FOXK1: variants seen among roughly 807,000 people sequenced by gnomAD.
FOXK1 encodes forkhead box K1.
A neutral mutation model predicts 51.9 loss-of-function variants in FOXK1; 19 were observed. The ratio of observed to expected loss-of-function variants is 0.37; its 90% CI spans 0.26 to 0.54. FOXK1 has a LOEUF of 0.54. Among genes scored for constraint, FOXK1 ranks in the 20% least tolerant of loss-of-function variants. The pLI, the probability that FOXK1 is intolerant of heterozygous loss-of-function variation, is 0.87. For missense variants in FOXK1, 870 were observed against 1,032.7 expected (o/e 0.84, Z 2.16); for synonymous variants, 537 against 482.6 (o/e 1.11, Z -1.48).
Position 4,768,156 on chromosome 7 carries a change from G to C in FOXK1, c.*5692G>C, listed in dbSNP as rs1238945444. Reference sequence around the variant, plus strand: ...TTTTTTTTTTTTTTTTTTTTGAGACGGAGTCTCGCTCTGTCGCCCAGGCTG... The same window carrying C: ...TTTTTTTTTTTTTTTTTTTTGAGACCGAGTCTCGCTCTGTCGCCCAGGCTG... On this transcript the variant is annotated 3_prime_UTR_variant, in exon 9 of 9. Transcript: ENST00000328914. The C allele has an allele frequency of 9.5e-6, 1 of 105,788 alleles. No homozygotes were observed. Among genetic ancestry groups the C allele is most frequent in the Non-Finnish European group, 1.7e-5 (1 of 57,700 alleles). The allele number at this position is 105,788 out of a possible 1,614,324, so 6.6% of individuals were successfully genotyped here.
chr7:4,683,429 C>T lies in FOXK1; in HGVS notation c.560+561C>T, dbSNP rs1779779109. On this transcript the variant is annotated intron_variant, in intron 1 of 8. Transcript: ENST00000328914. The surrounding 1 kb of genome is among the most constrained non-coding windows in gnomAD (Gnocchi z 4.5). ...ACCGCGACCCCCACTTCCTAGGCCC[C>T]CCCGGAGTCACCCCTGACCGCTAAC... 6.6e-6 allele frequency among the ~76,000 whole-genome samples: 1 copy of T among 151,570 alleles called. No homozygotes were observed. The highest frequency in any genetic ancestry group is 6.6e-5 in the Admixed American group (1 of 15,240).
chr7:4,738,028 A>C (rs1006455676), intron 1 of FOXK1, among the ~76,000 whole-genome samples: 7 of 151,884 alleles, frequency 4.6e-5, no homozygotes, highest in African/African-American at 1.7e-4. Flanking sequence ...AGGCTGAGGC[A>C]GGAGAATCAC....
rs149520318 is a variant in FOXK1 at position 4,712,589 on chromosome 7, G to A, written c.561-28249G>A. ...GGAGAGTTGTTAGAATCAAACCACC[G>A]CTCTCTGAATTCTGGGTGTATTATT... On this transcript the variant is annotated intron_variant, in intron 1 of 8. Coordinates refer to ENST00000328914, the MANE Select transcript of FOXK1 (RefSeq NM_001037165.2). 5.1e-3 allele frequency among the ~76,000 whole-genome samples: 772 copies of A among 152,216 alleles called. 2 individuals carry two copies. The highest frequency in any genetic ancestry group is 0.017 in the South Asian group (81 of 4,814).
chr7:4,751,012 CTT>C (rs35715224), intron 2 of FOXK1, among the ~76,000 whole-genome samples: 119 of 102,960 alleles, frequency 1.2e-3, no homozygotes, highest in African/African-American at 4.5e-3. Flanking sequence ...GCCTTCAGCA[CTT>C]TTTTTTTTTT....
chr7:4,751,563 G>A (rs974281853), intron 2 of FOXK1, among the ~76,000 whole-genome samples: 10 of 152,166 alleles, frequency 6.6e-5, no homozygotes, highest in Middle Eastern at 3.2e-3. Flanking sequence ...TCCCGCCTCC[G>A]TCAGCTGCAG....
chr7:4,759,497 A>C lies in FOXK1; in HGVS notation c.1598A>C (p.Asn533Thr). 2 of 1,578,522 alleles carry C rather than the reference A, an allele frequency of 1.3e-6. No individual in the cohort carries two copies. Among genetic ancestry groups the C allele is most frequent in the Non-Finnish European group, 1.7e-6 (2 of 1,168,400 alleles). The stretch of plus-strand genomic sequence containing the variant: ...GTCAGGGTGGTCACCACATCTGCCA[A>C]CTCGGCCAACGGATACATCCTCACC... ...TMVRVVTTSANSANGYILTSQ... is the reference protein window; with the variant it reads ...TMVRVVTTSATSANGYILTSQ... The change falls in exon 7 of 9, where the codon AAC becomes ACC. Residue 533 changes from asparagine to threonine, a missense_variant. Physicochemically the swap from Asn to Thr is moderately conservative, Grantham distance 65. Around this residue, in one of 3 missense-constraint regions of FOXK1, gnomAD observed 457 missense variants for 510.8 expected, o/e 0.89. Coordinates refer to ENST00000328914, the MANE Select transcript of FOXK1 (RefSeq NM_001037165.2).
At chr7:4,740,273 AT>A (rs1780615427) in intron 1 of FOXK1, among the ~76,000 whole-genome samples, 1 of 151,986 alleles carries the variant, frequency 6.6e-6, no homozygotes, top group Non-Finnish European at 1.5e-5. Context: ...TACTAAAAAT[AT>A]AAAAAATTAG....
At chr7:4,713,888 T>A (rs1780205041) in intron 1 of FOXK1, among the ~76,000 whole-genome samples, 1 of 151,366 alleles carries the variant, frequency 6.6e-6, no homozygotes, top group Non-Finnish European at 1.5e-5. Context: ...TGCAGTGGCG[T>A]AGTCTTGGCT....
chr7:4,717,863 G>A (rs1242136462), intron 1 of FOXK1, among the ~76,000 whole-genome samples: 1 of 152,180 alleles, frequency 6.6e-6, no homozygotes, highest in Non-Finnish European at 1.5e-5. Context: ...TGTTGCCCGC[G>A]TCTTTGGGCT....
At position 4,765,784 on chromosome 7, in the gene FOXK1, A is replaced by G. The variant is rs953568546; in HGVS notation, c.*3320A>G. The stretch of plus-strand genomic sequence containing the variant: ...ATTGCCAGGTTTATCAAATACAAGA[A>G]AACACCTGCTTTGGCTAGGAGGTAA... On this transcript the variant is annotated 3_prime_UTR_variant, in exon 9 of 9. Coordinates refer to ENST00000328914, the MANE Select transcript of FOXK1 (RefSeq NM_001037165.2). The G allele has an allele frequency of 1.3e-5, 2 of 152,262 alleles. No individual in the cohort carries two copies. The highest frequency in any genetic ancestry group is 2.9e-5 in the Non-Finnish European group (2 of 68,066). The allele number at this position is 152,262 out of a possible 1,614,324, so 9.4% of individuals were successfully genotyped here.
In FOXK1 at chr7:4,747,035, G is replaced by A. The variant is rs936701337; in HGVS notation, c.746+6012G>A. 2.6e-5 allele frequency among the ~76,000 whole-genome samples: 4 copies of A among 152,168 alleles called. No homozygotes were observed. The highest frequency in any genetic ancestry group is 7.2e-5 in the African/African-American group (3 of 41,440). ...TTTTCCCTCCTGCCTAGATCCCTTC[G>A]AGGGGCAACTTTGGCGCTAAAGTGT... On this transcript the variant is annotated intron_variant, in intron 2 of 8. Transcript: ENST00000328914. This position sits in a 1 kb window ranked among gnomAD's most constrained non-coding sequence, Gnocchi z 9.2.
At chr7:4,702,427 C>A (rs1333125617) in intron 1 of FOXK1, among the ~76,000 whole-genome samples, 2 of 152,178 alleles carry the variant, frequency 1.3e-5, no homozygotes, top group East Asian at 3.9e-4. Context: ...GCTGCAACCT[C>A]TACCTCCCTG....
rs1780624359 is a variant in FOXK1 at position 4,740,844 on chromosome 7, C to T, written c.567C>T (p.Thr189=). 1 of 1,592,132 alleles carries T rather than the reference C, an allele frequency of 6.3e-7. No homozygotes were observed. Among genetic ancestry groups the T allele is most frequent in the East Asian group, 2.4e-5 (1 of 42,024 alleles). ...APALQLPKQC[T]FRFPSTAIKI... ...GCTCCTCCTCCTGTTGCAGGTGTAC[C>T]TTCCGGTTTCCCAGCACGGCCATCA... is the stretch of plus-strand genomic sequence containing the variant. The change falls in exon 2 of 9, where the codon ACC becomes ACT. Residue 189 remains threonine, a synonymous_variant. Coordinates refer to ENST00000328914, the MANE Select transcript of FOXK1 (RefSeq NM_001037165.2).
rs1467103037 is a variant in FOXK1 at position 4,753,712 on chromosome 7, C to T, written c.747-747C>T. On this transcript the variant is annotated intron_variant, in intron 2 of 8. Coordinates refer to ENST00000328914, the MANE Select transcript of FOXK1 (RefSeq NM_001037165.2). This position sits in a 1 kb window ranked among gnomAD's most constrained non-coding sequence, Gnocchi z 4.9. ...CCGTGGTTTGCTGACGGAAGCCTGC[C>T]TTAGTGAGTTAGGGAAGCAGGCCAG... is the stretch of plus-strand genomic sequence containing the variant. Among the ~76,000 whole-genome samples the T allele has an allele frequency of 6.6e-6, 1 of 152,174 alleles. No individual in the cohort carries two copies. Among genetic ancestry groups the T allele is most frequent in the African/African-American group, 2.4e-5 (1 of 41,432 alleles).
intron 1 of FOXK1, among the ~76,000 whole-genome samples, chr7:4,732,969 G>C (rs954313367): frequency 5.3e-5 from 8 of 152,182 alleles, no homozygotes; most frequent in Non-Finnish European, 1.0e-4. Flanking sequence ...TCAGCAGTTG[G>C]GTAAGACGAC....
intron 2 of FOXK1, among the ~76,000 whole-genome samples, chr7:4,751,885 T>A (rs1201774631): frequency 6.6e-6 from 1 of 152,182 alleles, no homozygotes; most frequent in Non-Finnish European, 1.5e-5. Flanking sequence ...TTCGCCAACC[T>A]TTCTTATTTC....
chr7:4,701,653 G>A (rs543918856), intron 1 of FOXK1, among the ~76,000 whole-genome samples: 68 of 152,330 alleles, frequency 4.5e-4, no homozygotes, highest in African/African-American at 1.6e-3. Context: ...AGCACTTTGG[G>A]AGGTCGAGGC....
intron 2 of FOXK1, among the ~76,000 whole-genome samples, chr7:4,742,116 C>T (rs1780642147): frequency 6.6e-6 from 1 of 152,296 alleles, no homozygotes; most frequent in South Asian, 2.1e-4. Flanking sequence ...GCAGCACCAG[C>T]AGTTTCTGCG....
intron 1 of FOXK1, among the ~76,000 whole-genome samples, chr7:4,726,744 C>T (rs1392146662): frequency 1.3e-5 from 2 of 152,172 alleles, no homozygotes; most frequent in Non-Finnish European, 2.9e-5. Flanking sequence ...AGCTGCTTTG[C>T]CCTCAAGACT....
Sources: allele counts gnomAD v4.1 joint callset (sites outside exome capture counted in the v4.1 genomes callset), GRCh38; gene constraint gnomAD v4.1.1; regional missense constraint gnomAD v4.1.1; non-coding constraint Gnocchi (gnomAD v3.1); transcripts MANE v1.5; gene names NCBI Gene and HGNC (gene_info 2026-07-23, HGNC 2026-07-21).